The following FRMD4B variants were observed in gnomAD, a reference collection of about 807,000 sequenced individuals.
FRMD4B encodes FERM domain-containing protein 4B.
In FRMD4B, 74 loss-of-function variants were observed where a neutral mutation model predicts 141.5. The observed-to-expected ratio is 0.52, with a 90% CI of 0.43 to 0.63. The LOEUF is 0.63. Among genes scored for constraint, FRMD4B ranks in the 30% least tolerant of loss-of-function variants. FRMD4B has a pLI of 0.00. For synonymous variants in FRMD4B, 506 were observed against 467.9 expected, an observed-to-expected ratio of 1.08 and a Z score of -1.05; for missense variants, 1,366 against 1,253.4, an observed-to-expected ratio of 1.09 and a Z score of -1.36.
chr3:69,311,264 T>C lies in FRMD4B; in HGVS notation c.322A>G (p.Thr108Ala). 2 of 1,421,450 alleles carry C rather than the reference T, an allele frequency of 1.4e-6. No homozygotes were observed. The highest frequency in any genetic ancestry group is 2.0e-6 in the Non-Finnish European group (2 of 1,006,486). The allele number at this position is 1,421,450 out of a possible 1,614,324, so 88.1% of individuals were successfully genotyped here. Reference sequence around the variant, plus strand: ...AACTAAAACTATTAAAGGACTTACGTGTCATCTATGAATGTTATTCCAAAA... The same window carrying C: ...AACTAAAACTATTAAAGGACTTACGCGTCATCTATGAATGTTATTCCAAAA... ...EYFGITFIDDTGQQNWLQLDH... is the reference protein window; with the variant it reads ...EYFGITFIDDAGQQNWLQLDH... The change falls in exon 3 of 23, where the codon ACA (threonine) becomes GCA (alanine). Residue 108 changes from threonine to alanine, a missense_variant and splice_region_variant. By Grantham distance (58) the Thr-to-Ala change is moderately conservative (BLOSUM62 0). Coordinates refer to ENST00000398540, the MANE Select transcript of FRMD4B (RefSeq NM_015123.3).
chr3:69,349,492 C>G (rs1700592658), intron 1 of FRMD4B, among the ~76,000 whole-genome samples: 1 of 152,068 alleles, frequency 6.6e-6, no homozygotes, highest in African/African-American at 2.4e-5. Context: ...TCATATAGAA[C>G]CAAAAAAGAG....
chr3:69,314,896 G>T (rs143940533), intron 1 of FRMD4B, among the ~76,000 whole-genome samples: 20 of 152,180 alleles, frequency 1.3e-4, no homozygotes, highest in Admixed American at 2.6e-4. Context: ...GGGCATGGTG[G>T]CATGCACCTA....
In FRMD4B at chr3:69,332,795, C is replaced by T. The variant is rs1035620525; in HGVS notation, c.163-19278G>A. On this transcript the variant is annotated intron_variant, in intron 1 of 22. Transcript: ENST00000398540. Reference sequence around the variant, plus strand: ...TAGAGATGGGGTCTTGCAATTTTGCCCAGGCTGTTCTCAAACTCCTGGGCT... The same window carrying T: ...TAGAGATGGGGTCTTGCAATTTTGCTCAGGCTGTTCTCAAACTCCTGGGCT... Among the ~76,000 whole-genome samples, 6 of 141,582 alleles carry T rather than the reference C, an allele frequency of 4.2e-5. No individual in the cohort carries two copies. In the South Asian group the frequency reaches 9.0e-4, roughly 21 times the overall value. 92.9% of individuals were successfully genotyped at this position (141,582 alleles called of 152,430 possible). A position where few individuals can be genotyped will look rare whatever the true frequency, so the allele number is the denominator to read the frequency against.
intron 1 of FRMD4B, among the ~76,000 whole-genome samples, chr3:69,487,059 T>A (rs1035461897): frequency 6.6e-6 from 1 of 152,162 alleles, no homozygotes; most frequent in African/African-American, 2.4e-5. Flanking sequence ...GCCTCTGTAA[T>A]CTATAACCAG....
intron 2 of FRMD4B, among the ~76,000 whole-genome samples, chr3:69,406,560 C>G (rs749634350): frequency 6.6e-6 from 1 of 152,060 alleles, no homozygotes; most frequent in African/African-American, 2.4e-5. Flanking sequence ...AAGTGAGAAA[C>G]TGCTAAGTGA....
Position 69,195,031 on chromosome 3 carries a change from C to G in FRMD4B, c.1479G>C (p.Pro493=). Residue 493 remains proline, a synonymous_variant, in exon 16 of 23, where the codon CCG becomes CCC. Transcript: ENST00000398540. ...TAFKLDDNLL[P]SEEDPALQEL... ...GAGGCGTTGTTCATACTTCTTCACT[C>G]GGCAGCAAGTTGTCATCTAATTTGA... 1 of 1,613,474 alleles carries G rather than the reference C, an allele frequency of 6.2e-7. No homozygotes were observed. Among genetic ancestry groups the G allele is most frequent in the South Asian group, 1.1e-5 (1 of 91,006 alleles).
chr3:69,235,333 A>G (rs1243094992), intron 7 of FRMD4B, among the ~76,000 whole-genome samples: 1 of 151,868 alleles, frequency 6.6e-6, no homozygotes, highest in African/African-American at 2.4e-5. Context: ...CAGTGACAAA[A>G]CATGAGTGCT....
upstream of FRMD4B, chr3:69,386,102 T>A: frequency 2.0e-6 from 2 of 980,218 alleles, no homozygotes; most frequent in Non-Finnish European, 2.9e-6. Flanking sequence ...AGCCGGGGGG[T>A]CAAGCCTGCC....
intron 9 of FRMD4B, among the ~76,000 whole-genome samples, chr3:69,218,798 C>T (rs1341827123): frequency 4.6e-5 from 7 of 152,126 alleles, no homozygotes; most frequent in Non-Finnish European, 1.5e-5. Flanking sequence ...TAACTAGAAA[C>T]ATCTGTCAAA....
upstream of FRMD4B, chr3:69,386,433 A>C (rs1275986283): frequency 6.4e-6 from 1 of 156,844 alleles, no homozygotes; most frequent in Non-Finnish European, 1.4e-5. Context: ...CGCGCGCGCG[A>C]ACACACACAC....
chr3:69,306,902 A>C (rs1039982955), intron 3 of FRMD4B, among the ~76,000 whole-genome samples: 1 of 152,190 alleles, frequency 6.6e-6, no homozygotes, highest in Non-Finnish European at 1.5e-5. Flanking sequence ...GTGCTGAAAG[A>C]AAATACTTTC....
chr3:69,531,387 T>C (rs2107155832), intron 1 of FRMD4B, among the ~76,000 whole-genome samples: 1 of 145,844 alleles, frequency 6.9e-6, no homozygotes, highest in East Asian at 2.0e-4. Context: ...CACATTTATA[T>C]GTACCAAGCA....
chr3:69,314,836 A>G (rs1260996808), intron 1 of FRMD4B, among the ~76,000 whole-genome samples: 1 of 152,066 alleles, frequency 6.6e-6, no homozygotes, highest in African/African-American at 2.4e-5. Context: ...CACTTTTCCA[A>G]AAAAAAGAAA....
intron 11 of FRMD4B, among the ~76,000 whole-genome samples, chr3:69,210,409 CA>C (rs2107703546): frequency 6.7e-6 from 1 of 150,008 alleles, no homozygotes; most frequent in African/African-American, 2.5e-5. Context: ...AGAAGGAACA[CA>C]AGGCTGCTTT....
intron 8 of FRMD4B, among the ~76,000 whole-genome samples, chr3:69,222,347 G>A (rs2093204290): frequency 6.6e-6 from 1 of 150,848 alleles, no homozygotes; most frequent in Admixed American, 6.7e-5. Flanking sequence ...TGTGCCTGTA[G>A]TCCCAGCTCC....
intron 7 of FRMD4B, among the ~76,000 whole-genome samples, chr3:69,239,863 C>A (rs2093369368): frequency 6.6e-6 from 1 of 151,988 alleles, no homozygotes. Context: ...ACCAGCCTGG[C>A]CAACATGGTG....
At chr3:69,204,942 C>T (rs183923840) in intron 11 of FRMD4B, among the ~76,000 whole-genome samples, 1 of 151,200 alleles carries the variant, frequency 6.6e-6, no homozygotes, top group East Asian at 2.0e-4. Flanking sequence ...GAAATAGGGG[C>T]AGATATTGAT....
chr3:69,496,786 G>A (rs1706407966), intron 1 of FRMD4B, among the ~76,000 whole-genome samples: 1 of 151,996 alleles, frequency 6.6e-6, no homozygotes, highest in Admixed American at 6.6e-5. Context: ...TTTTGCTTAA[G>A]TCGCTATGGG....
chr3:69,210,105 T>G (rs201642041), intron 11 of FRMD4B, among the ~76,000 whole-genome samples: 1 of 152,228 alleles, frequency 6.6e-6, no homozygotes, highest in East Asian at 1.9e-4. Context: ...CTAAGAGACT[T>G]TTCCCACCTT....
Sources: allele counts gnomAD v4.1 joint callset (sites outside exome capture counted in the v4.1 genomes callset), GRCh38; gene constraint gnomAD v4.1.1; transcripts MANE v1.5; gene names NCBI Gene and HGNC (gene_info 2026-07-23, HGNC 2026-07-21).